FYN: variants seen among roughly 807,000 people sequenced by gnomAD.
The protein encoded by FYN is tyrosine-protein kinase Fyn.
Under a neutral mutation model 70.2 loss-of-function variants are expected in FYN, and 10 were observed. That is an observed-to-expected ratio of 0.14 (90% CI 0.09 to 0.24). FYN has a LOEUF of 0.24. Ranked by LOEUF, FYN falls within the 10% of genes least tolerant of loss-of-function variation. The probability of loss-of-function intolerance (pLI) is 1.00; values close to 1 mark genes in which losing one functional copy is unlikely to be tolerated. For missense variants in FYN, 319 were observed against 673.1 expected (o/e 0.47, Z 5.82); for synonymous variants, 236 against 248.6 (o/e 0.95, Z 0.48).
At chr6:111,686,565 T>A (rs1799015910) in intron 12 of FYN, among the ~76,000 whole-genome samples, 1 of 152,180 alleles carries the variant, frequency 6.6e-6, no homozygotes, top group Non-Finnish European at 1.5e-5. Flanking sequence ...ATGGCTTGCA[T>A]TTTAAAGGGT....
At chr6:111,714,491 A>G in intron 4 of FYN, 48 bp from the exon 5 acceptor site, 1 of 1,286,922 alleles carries the variant, frequency 7.8e-7, no homozygotes, top group Non-Finnish European at 1.1e-6. Context: ...ACAAGGGGAA[A>G]TTAATTCCAA....
chr6:111,808,806 G>A (rs1772234897), intron 2 of FYN, among the ~76,000 whole-genome samples: 1 of 152,198 alleles, frequency 6.6e-6, no homozygotes, highest in African/African-American at 2.4e-5. Flanking sequence ...ATAGGTAACT[G>A]CAGAGTTCTA....
intron 2 of FYN, among the ~76,000 whole-genome samples, chr6:111,782,520 T>C (rs1039198810): frequency 6.6e-6 from 1 of 152,224 alleles, no homozygotes; most frequent in African/African-American, 2.4e-5. Flanking sequence ...CACAATGTTG[T>C]CTTGTTTAAT....
chr6:111,679,505 A>G (rs1204648911), intron 12 of FYN, among the ~76,000 whole-genome samples: 1 of 152,192 alleles, frequency 6.6e-6, no homozygotes, highest in Non-Finnish European at 1.5e-5. Flanking sequence ...CTGCAGAGAA[A>G]GCACTTGATA....
At chr6:111,679,140 C>A (rs1472241164) in intron 12 of FYN, among the ~76,000 whole-genome samples, 3 of 152,176 alleles carry the variant, frequency 2.0e-5, no homozygotes, top group Non-Finnish European at 4.4e-5. Context: ...TTTGCAAATG[C>A]CAAGCTCCTA....
intron 2 of FYN, among the ~76,000 whole-genome samples, chr6:111,837,853 T>TGTAGA (rs1773237544): frequency 6.6e-6 from 1 of 152,214 alleles, no homozygotes; most frequent in Non-Finnish European, 1.5e-5. Flanking sequence ...CACTTTCTCA[T>TGTAGA]GGCAGCCTTA....
At chr6:111,795,389 GA>G (rs1248063847) in intron 2 of FYN, among the ~76,000 whole-genome samples, 2 of 152,204 alleles carry the variant, frequency 1.3e-5, no homozygotes, top group Non-Finnish European at 2.9e-5. Flanking sequence ...CAAACCTGCT[GA>G]CACTTTGATC....
chr6:111,777,624 T>C (rs1771003992), intron 3 of FYN, among the ~76,000 whole-genome samples: 1 of 152,154 alleles, frequency 6.6e-6, no homozygotes, highest in South Asian at 2.1e-4. Flanking sequence ...TTACCAAATG[T>C]CCTCTGGGAG....
chr6:111,814,120 A>G (rs960698920), intron 2 of FYN: 1 of 152,272 alleles, frequency 6.6e-6, no homozygotes, highest in Non-Finnish European at 1.5e-5. Flanking sequence ...GTAAAGAGAA[A>G]GCACATTTGC....
chr6:111,762,917 C>G (rs934139687), intron 3 of FYN, among the ~76,000 whole-genome samples: 3 of 152,154 alleles, frequency 2.0e-5, no homozygotes, highest in African/African-American at 7.2e-5. Context: ...CTTACTAGGT[C>G]TCTTCTGTGA....
intron 6 of FYN, 28 bp from the exon 7 acceptor site, chr6:111,704,130 A>T: frequency 6.3e-7 from 1 of 1,582,260 alleles, no homozygotes; most frequent in Non-Finnish European, 8.7e-7. Flanking sequence ...GAAAGAAAAT[A>T]TTTTGAAATA....
At chr6:111,740,138 GTTTTAAATAAT>G (rs1438736497) in intron 3 of FYN, among the ~76,000 whole-genome samples, 3 of 152,112 alleles carry the variant, frequency 2.0e-5, no homozygotes, top group Non-Finnish European at 4.4e-5. Context: ...TCAACTAAAG[GTTTTAAATAAT>G]TGAAAATGCT....
chr6:111,758,474 C>T (rs1252349161), intron 3 of FYN, among the ~76,000 whole-genome samples: 1 of 152,160 alleles, frequency 6.6e-6, no homozygotes, highest in Non-Finnish European at 1.5e-5. Context: ...AAAAAATCCA[C>T]CATAATGAAA....
chr6:111,857,841 T>C (rs1773863300), intron 1 of FYN, among the ~76,000 whole-genome samples: 2 of 152,092 alleles, frequency 1.3e-5, no homozygotes, highest in South Asian at 4.1e-4. Context: ...CCCAGGGAGA[T>C]TACAGACCAT....
At chr6:111,865,949 A>G (rs1200525740) in intron 1 of FYN, among the ~76,000 whole-genome samples, 1 of 152,224 alleles carries the variant, frequency 6.6e-6, no homozygotes, top group African/African-American at 2.4e-5. Flanking sequence ...CCATGTAAGT[A>G]AATTTCCCAA....
chr6:111,773,108 T>C (rs1803514639), intron 3 of FYN, among the ~76,000 whole-genome samples: 1 of 150,372 alleles, frequency 6.7e-6, no homozygotes, highest in African/African-American at 2.4e-5. Context: ...TTTATATATA[T>C]AATTAGAAGA....
intron 13 of FYN, among the ~76,000 whole-genome samples, chr6:111,673,168 T>TC (rs528773072): frequency 5.5e-4 from 83 of 151,958 alleles, no homozygotes; most frequent in Non-Finnish European, 9.6e-4. Flanking sequence ...CCCGCACATT[T>TC]CCCCCCTTGA....
At chr6:111,837,432 C>A (rs190272675) in intron 2 of FYN, among the ~76,000 whole-genome samples, 1 of 151,998 alleles carries the variant, frequency 6.6e-6, no homozygotes, top group Non-Finnish European at 1.5e-5. Flanking sequence ...CTTCAATTAC[C>A]GTAGCATTAT....
chr6:111,795,566 A>C (rs1300295567), intron 2 of FYN, among the ~76,000 whole-genome samples: 2 of 152,200 alleles, frequency 1.3e-5, no homozygotes, highest in Non-Finnish European at 2.9e-5. Flanking sequence ...TTGTGATATA[A>C]ACATGTATTA....
Sources: allele counts gnomAD v4.1 joint callset (sites outside exome capture counted in the v4.1 genomes callset), GRCh38; gene constraint gnomAD v4.1.1; transcripts MANE v1.5; gene names NCBI Gene and HGNC (gene_info 2026-07-23, HGNC 2026-07-21).